ASIC2: variants seen among roughly 807,000 people sequenced by gnomAD.
The protein encoded by ASIC2 is acid sensing ion channel subunit 2.
A neutral mutation model predicts 57.3 loss-of-function variants in ASIC2; 25 were observed. The ratio of observed to expected loss-of-function variants is 0.44; its 90% confidence interval spans 0.32 to 0.61. The LOEUF (loss-of-function observed/expected upper bound fraction) is 0.61, where lower values mean the gene tolerates loss of function less well. Ranked by LOEUF, ASIC2 falls within the 20% of genes least tolerant of loss-of-function variation. The pLI is 0.06. For synonymous variants in ASIC2, 319 were observed against 307.5 expected, an observed-to-expected ratio of 1.04 and a Z score of -0.39; for missense variants, 641 against 738.1, an observed-to-expected ratio of 0.87 and a Z score of 1.52.
intron 7 of ASIC2, among the ~76,000 whole-genome samples, chr17:33,018,915 C>A (rs2141893997): frequency 6.6e-6 from 1 of 152,310 alleles, no homozygotes; most frequent in East Asian, 1.9e-4. Flanking sequence ...GTAGGCAGAT[C>A]TGCCCCACTC....
Position 33,025,922 on chromosome 17 carries a change from T to C in ASIC2, c.1195+4A>G. The C allele has an allele frequency of 6.2e-7, 1 of 1,611,048 alleles. No individual in the cohort carries two copies. Among genetic ancestry groups the C allele is most frequent in the Middle Eastern group, 1.7e-4 (1 of 6,040 alleles). Reference sequence around the variant, plus strand: ...ATGATTCCATCTGTCCCCTGAGTACTGACCTAGGGCAGGCTCTGCACACTC... The same window carrying C: ...ATGATTCCATCTGTCCCCTGAGTACCGACCTAGGGCAGGCTCTGCACACTC... On this transcript the variant is annotated splice_donor_region_variant and intron_variant, in intron 5 of 9. Coordinates refer to ENST00000225823, the MANE Select transcript of ASIC2 (RefSeq NM_183377.2).
At chr17:33,456,104 C>T (rs993284933) in intron 1 of ASIC2, among the ~76,000 whole-genome samples, 4 of 152,220 alleles carry the variant, frequency 2.6e-5, no homozygotes, top group East Asian at 3.9e-4. Flanking sequence ...AGTTTTTCTG[C>T]GCTTAATATG....
intron 1 of ASIC2, among the ~76,000 whole-genome samples, chr17:33,330,379 T>C (rs1226282516): frequency 1.3e-5 from 2 of 152,174 alleles, no homozygotes; most frequent in Non-Finnish European, 2.9e-5. Flanking sequence ...GGGAGGCTGC[T>C]GGGGACCAGC....
At chr17:33,052,855 G>A (rs1351980267) in intron 3 of ASIC2, 3 of 152,138 alleles carry the variant, frequency 2.0e-5, no homozygotes, top group Non-Finnish European at 4.4e-5. Flanking sequence ...GGAGAGGCAC[G>A]TGACTAGTTC....
At position 33,066,505 on chromosome 17, in the gene ASIC2, G is replaced by A. The variant is rs2092044191; in HGVS notation, c.987+22358C>T. 2.6e-5 allele frequency among the ~76,000 whole-genome samples: 4 copies of A among 152,224 alleles called. No homozygotes were observed. The South Asian group carries it at 8.3e-4, about 32-fold the overall frequency. ...TGGGCCATTTAAAGAGACAAGACAC[G>A]TACATATTGAAGATTTTCGGCTAAA... On this transcript the variant is annotated intron_variant, in intron 3 of 9. Transcript: ENST00000225823.
intron 1 of ASIC2, among the ~76,000 whole-genome samples, chr17:33,644,960 G>T (rs58150163): frequency 6.6e-6 from 1 of 152,192 alleles, no homozygotes; most frequent in African/African-American, 2.4e-5. Context: ...TCGGTTGATA[G>T]ATAGGTAATA....
At chr17:33,437,406 T>C (rs1911662673) in intron 1 of ASIC2, among the ~76,000 whole-genome samples, 1 of 152,230 alleles carries the variant, frequency 6.6e-6, no homozygotes, top group South Asian at 2.1e-4. Context: ...ATATAGTTAA[T>C]GCTATTTCTT....
chr17:33,988,652 G>A (rs1905906266), intron 1 of ASIC2, among the ~76,000 whole-genome samples: 1 of 151,706 alleles, frequency 6.6e-6, no homozygotes, highest in Non-Finnish European at 1.5e-5. Flanking sequence ...TTCCTCCAGG[G>A]GCTGTATTTT....
At chr17:33,806,458 T>C (rs1261002008) in intron 1 of ASIC2, among the ~76,000 whole-genome samples, 2 of 152,250 alleles carry the variant, frequency 1.3e-5, no homozygotes, top group Non-Finnish European at 2.9e-5. Context: ...CTGTGGGCCA[T>C]AGTTTGCTTA....
At position 33,844,964 on chromosome 17, in the gene ASIC2, C is replaced by A. The variant is rs562846485; in HGVS notation, c.555+311014G>T. Among the ~76,000 whole-genome samples the A allele has an allele frequency of 7.2e-5, 11 of 152,322 alleles. No individual in the cohort carries two copies. The East Asian group carries it at 2.1e-3, about 29-fold the overall frequency. On this transcript the variant is annotated intron_variant, in intron 1 of 9. Coordinates refer to the ASIC2 transcript ENST00000359872. ...CAGATGTTAAGTAACTTGGCTAACGCCATGTAGCCAATGTACAGTGAGGCC... is the reference window on the plus strand; with the variant it reads ...CAGATGTTAAGTAACTTGGCTAACGACATGTAGCCAATGTACAGTGAGGCC...
At chr17:33,709,044 G>T (rs774279463) in intron 1 of ASIC2, among the ~76,000 whole-genome samples, 1 of 152,184 alleles carries the variant, frequency 6.6e-6, no homozygotes, top group Non-Finnish European at 1.5e-5. Flanking sequence ...CCTTTAAGCC[G>T]TCTGCCTGTT....
chr17:33,372,557 C>G (rs1909113692), intron 1 of ASIC2, among the ~76,000 whole-genome samples: 1 of 152,174 alleles, frequency 6.6e-6, no homozygotes, highest in Admixed American at 6.5e-5. Flanking sequence ...CTTCTCCCTA[C>G]TTGGCTGCTG....
At chr17:33,551,516 A>G (rs1432902685) in intron 1 of ASIC2, among the ~76,000 whole-genome samples, 2 of 152,182 alleles carry the variant, frequency 1.3e-5, no homozygotes, top group Admixed American at 6.5e-5. Flanking sequence ...CCAATGACCA[A>G]TCAATGGCCA....
intron 3 of ASIC2, among the ~76,000 whole-genome samples, chr17:33,065,899 A>T (rs2092041532): frequency 6.6e-6 from 1 of 152,178 alleles, no homozygotes; most frequent in South Asian, 2.1e-4. Context: ...TTGACGGATG[A>T]GGCCCGAAAA....
chr17:33,425,396 A>G (rs1469906515), intron 1 of ASIC2, among the ~76,000 whole-genome samples: 4 of 152,274 alleles, frequency 2.6e-5, no homozygotes, highest in Admixed American at 2.6e-4. Flanking sequence ...TAGAGTACAG[A>G]CAGGCAGTTA....
At chr17:33,201,828 G>A (rs562063950) in intron 1 of ASIC2, among the ~76,000 whole-genome samples, 5 of 152,078 alleles carry the variant, frequency 3.3e-5, no homozygotes, top group South Asian at 4.2e-4. Flanking sequence ...CCAGAAGTTC[G>A]AGACCAGCCT....
At chr17:34,074,766 T>TTTTC (rs1345154305) in intron 1 of ASIC2, among the ~76,000 whole-genome samples, 21 of 150,030 alleles carry the variant, frequency 1.4e-4, no homozygotes, top group East Asian at 9.9e-4. Flanking sequence ...AGTGTGGCTT[T>TTTTC]TTTCTTTCTT....
chr17:34,029,871 C>T (rs1175719626), intron 1 of ASIC2, among the ~76,000 whole-genome samples: 1 of 152,140 alleles, frequency 6.6e-6, no homozygotes, highest in African/African-American at 2.4e-5. Context: ...CAGACTGAGA[C>T]ACCCCACAAA....
chr17:33,399,908 G>T lies in ASIC2; in HGVS notation c.556-287841C>A, dbSNP rs185945349. On this transcript the variant is annotated intron_variant, in intron 1 of 9. Transcript: ENST00000359872. ...TCATTTCTTTGGGGAATAGAAAAGT[G>T]AACTCTGCAGACAAGCCTGGGACCC... is the stretch of plus-strand genomic sequence containing the variant. 2.5e-3 allele frequency among the ~76,000 whole-genome samples: 388 copies of T among 152,250 alleles called. 2 individuals carry two copies. Among genetic ancestry groups the T allele is most frequent in the African/African-American group, 9.0e-3 (373 of 41,522 alleles).
Sources: allele counts gnomAD v4.1 joint callset (sites outside exome capture counted in the v4.1 genomes callset), GRCh38; gene constraint gnomAD v4.1.1; transcripts MANE v1.5; gene names NCBI Gene and HGNC (gene_info 2026-07-23, HGNC 2026-07-21).